Variants in PDGFC observed in about 807,000 individuals in gnomAD.
The protein encoded by PDGFC is platelet derived growth factor C.
A neutral mutation model predicts 35.5 loss-of-function variants in PDGFC; 12 were observed. That is an observed-to-expected ratio of 0.34 (90% CI 0.22 to 0.55). The LOEUF (loss-of-function observed/expected upper bound fraction) is 0.55. Among genes scored for constraint, PDGFC ranks in the 20% least tolerant of loss-of-function variants. The pLI, the probability that PDGFC is intolerant of heterozygous loss-of-function variation, is 0.91. For missense variants in PDGFC, 322 were observed against 412.4 expected (o/e 0.78, Z 1.90); for synonymous variants, 159 against 148.8 (o/e 1.07, Z -0.50).
intron 1 of PDGFC, among the ~76,000 whole-genome samples, chr4:156,907,977 G>A (rs995541776): frequency 4.6e-5 from 7 of 152,108 alleles, no homozygotes; most frequent in Non-Finnish European, 8.8e-5. Flanking sequence ...GACCAGCCTG[G>A]CCAATATGGT....
intron 1 of PDGFC, among the ~76,000 whole-genome samples, chr4:156,863,286 T>C (rs1579062946): frequency 6.6e-6 from 1 of 152,168 alleles, no homozygotes; most frequent in South Asian, 2.1e-4. Context: ...AATGACAACA[T>C]AAACCTTCAA....
intron 1 of PDGFC, among the ~76,000 whole-genome samples, chr4:156,927,492 C>T (rs778433039): frequency 6.6e-6 from 1 of 152,162 alleles, no homozygotes; most frequent in African/African-American, 2.4e-5. Flanking sequence ...GAATGCTTTG[C>T]TGCTTAGAAA....
intron 1 of PDGFC, among the ~76,000 whole-genome samples, chr4:156,919,452 C>T (rs1206208996): frequency 6.6e-6 from 1 of 151,652 alleles, no homozygotes; most frequent in African/African-American, 2.4e-5. Flanking sequence ...AAGCAGACAG[C>T]CCAAGTGGCA....
intron 2 of PDGFC, among the ~76,000 whole-genome samples, chr4:156,838,901 T>C (rs1380179349): frequency 6.6e-6 from 1 of 151,958 alleles, no homozygotes; most frequent in Non-Finnish European, 1.5e-5. Flanking sequence ...GTCAAAGGAA[T>C]GAGAAAAGAC....
At chr4:156,799,556 T>C (rs189191807) in intron 3 of PDGFC, among the ~76,000 whole-genome samples, 22 of 152,326 alleles carry the variant, frequency 1.4e-4, no homozygotes, top group African/African-American at 5.1e-4. Flanking sequence ...AGGTGTTTAA[T>C]AGAAGACAGC....
intron 3 of PDGFC, among the ~76,000 whole-genome samples, chr4:156,775,317 AAATT>A (rs1171460625): frequency 6.6e-6 from 1 of 152,166 alleles, no homozygotes; most frequent in Non-Finnish European, 1.5e-5. Flanking sequence ...TATAAAGTAA[AAATT>A]AAGGGGTCAA....
At chr4:156,901,203 G>A (rs1188221217) in intron 1 of PDGFC, among the ~76,000 whole-genome samples, 1 of 152,114 alleles carries the variant, frequency 6.6e-6, no homozygotes, top group African/African-American at 2.4e-5. Context: ...CCATATGAGG[G>A]AATCCACATC....
chr4:156,967,041 T>G (rs1441534774), intron 1 of PDGFC, among the ~76,000 whole-genome samples: 2 of 151,042 alleles, frequency 1.3e-5, no homozygotes, highest in Non-Finnish European at 3.0e-5. Context: ...TTTTTTTTTT[T>G]GTAAAAAAGC....
At chr4:156,907,100 T>A (rs1044353065) in intron 1 of PDGFC, among the ~76,000 whole-genome samples, 6 of 152,186 alleles carry the variant, frequency 3.9e-5, no homozygotes, top group African/African-American at 1.4e-4. Flanking sequence ...GAGCCCAGTA[T>A]CTTAGATTAG....
Position 156,775,893 on chromosome 4 carries a change from C to A in PDGFC, c.496-3000G>T, listed in dbSNP as rs189438679. 2.0e-5 allele frequency among the ~76,000 whole-genome samples: 3 copies of A among 152,096 alleles called. No homozygotes were observed. The East Asian group carries it at 5.8e-4, about 29-fold the overall frequency. On this transcript the variant is annotated intron_variant, in intron 3 of 5. Transcript: ENST00000502773. ...CCACCACACCCCACACACAGTGGTC[C>A]CCACCCAGAAAACAGGAAAGAAGAA...
At chr4:156,782,654 A>G (rs919255010) in intron 3 of PDGFC, among the ~76,000 whole-genome samples, 1 of 152,172 alleles carries the variant, frequency 6.6e-6, no homozygotes, top group Non-Finnish European at 1.5e-5. Context: ...CATGTCGGTC[A>G]CCACACTAAA....
At chr4:156,923,750 A>T (rs932931495) in intron 1 of PDGFC, among the ~76,000 whole-genome samples, 1 of 152,212 alleles carries the variant, frequency 6.6e-6, no homozygotes, top group East Asian at 1.9e-4. Flanking sequence ...ACAAAAGATC[A>T]TATCAGTGAG....
intron 1 of PDGFC, among the ~76,000 whole-genome samples, chr4:156,946,302 C>T (rs554252309): frequency 6.6e-6 from 1 of 151,900 alleles, no homozygotes; most frequent in Admixed American, 6.6e-5. Context: ...AAAATAATAG[C>T]TTTGGTTTCA....
chr4:156,826,174 A>ATTGTTTTTTTT (rs1732468810), intron 2 of PDGFC, among the ~76,000 whole-genome samples: 1 of 43,768 alleles, frequency 2.3e-5, no homozygotes. Context: ...TTTGAGTTGG[A>ATTGTTTTTTTT]TTTTTTTTTT....
intron 2 of PDGFC, among the ~76,000 whole-genome samples, chr4:156,843,825 C>T (rs1313068077): frequency 6.6e-6 from 1 of 152,098 alleles, no homozygotes; most frequent in African/African-American, 2.4e-5. Context: ...ATTTTATTGT[C>T]TTCAGTAGAC....
chr4:156,850,361 A>G lies in PDGFC; in HGVS notation c.174T>C (p.Ile58=), dbSNP rs1729424431. 2 of 1,607,946 alleles carry G rather than the reference A, an allele frequency of 1.2e-6. No homozygotes were observed. Among genetic ancestry groups the G allele is most frequent in the Non-Finnish European group, 1.7e-6 (2 of 1,176,130 alleles). ...AAGTATGAGGAAACCTTGGGCTGTG[A>G]ATACTTCCATTAGTAGACACAGTAA... ...RIITVSTNGS[I]HSPRFPHTYP... is the part of the protein sequence containing the mutation. Residue 58 remains isoleucine (I), a synonymous_variant, in exon 2 of 6, where the codon ATT becomes ATC. Coordinates refer to ENST00000502773, the MANE Select transcript of PDGFC (RefSeq NM_016205.3).
rs1325345327 is a variant in PDGFC, at chr4:156,970,910, G to C, written c.-7C>G. On this transcript the variant is annotated 5_prime_UTR_variant, in exon 1 of 6. It introduces an in-frame stop codon into an upstream open reading frame of the 5' UTR. Coordinates refer to ENST00000502773, the MANE Select transcript of PDGFC (RefSeq NM_016205.3). ...GAAGCCCGAAGAGGCTCATTTGGCTGACTGGGGTGAGAGCTCACTCACGGC... is the reference window on the plus strand; with the variant it reads ...GAAGCCCGAAGAGGCTCATTTGGCTCACTGGGGTGAGAGCTCACTCACGGC... 4.4e-6 allele frequency: 7 copies of C among 1,593,624 alleles called. No homozygotes were observed. The highest frequency in any genetic ancestry group is 6.0e-6 in the Non-Finnish European group (7 of 1,161,746).
At chr4:156,856,757 G>A (rs1016467284) in intron 1 of PDGFC, among the ~76,000 whole-genome samples, 4 of 151,950 alleles carry the variant, frequency 2.6e-5, no homozygotes, top group Non-Finnish European at 4.4e-5. Flanking sequence ...ACTTCCAGAC[G>A]CTGTATATGA....
At chr4:156,895,062 C>T (rs530504713) in intron 1 of PDGFC, among the ~76,000 whole-genome samples, 2 of 152,164 alleles carry the variant, frequency 1.3e-5, no homozygotes, top group South Asian at 4.1e-4. Flanking sequence ...TATCACACTT[C>T]TCCTGTTCCT....
Sources: gnomAD v4.1 joint callset for allele counts (sites outside exome capture counted in the v4.1 genomes callset) on GRCh38, gnomAD v4.1.1 for gene constraint, MANE v1.5 for transcripts, NCBI Gene and HGNC (gene_info 2026-07-23, HGNC 2026-07-21) for gene names.